RPS6KC1: variants seen among roughly 807,000 people sequenced by gnomAD.
RPS6KC1 encodes the protein ribosomal protein S6 kinase C1.
RPS6KC1 carries 54 observed loss-of-function variants against 103.8 expected under a neutral mutation model. The observed-to-expected ratio is 0.52, with a 90% confidence interval of 0.42 to 0.65. RPS6KC1 has a LOEUF of 0.65. Among genes scored for constraint, RPS6KC1 ranks in the 30% least tolerant of loss-of-function variants. The probability of loss-of-function intolerance (pLI) is 0.00; values close to 1 mark genes in which losing one functional copy is unlikely to be tolerated. For synonymous variants in RPS6KC1, 439 were observed against 438.7 expected (o/e 1.00, Z -0.01); for missense variants, 1,151 against 1,253.8 (o/e 0.92, Z 1.24).
chr1:213,730,656 T>G, the RPS6KC1 span, among the ~76,000 whole-genome samples: 2 of 152,258 alleles, frequency 1.3e-5, no homozygotes, highest in African/African-American at 4.8e-5. Flanking sequence ...AAGTTCCTTA[T>G]AGATGCTGAA....
rs148200631 is a variant in RPS6KC1, at chr1:213,057,003, G to A, written c.105+5494G>A. On this transcript the variant is annotated intron_variant, in intron 1 of 14. Transcript: ENST00000366960. ...CACCCAGGCTGGAGTGTAGTGGAAC[G>A]ATCACGGCTCACTCTAGCCTTGACT... Among the ~76,000 whole-genome samples the A allele has an allele frequency of 4.6e-5, 7 of 152,068 alleles. No homozygotes were observed. The East Asian group carries it at 1.4e-3, about 29-fold the overall frequency.
chr1:213,478,382 G>A, the RPS6KC1 span, among the ~76,000 whole-genome samples: 2 of 152,178 alleles, frequency 1.3e-5, no homozygotes, highest in Non-Finnish European at 2.9e-5. Flanking sequence ...ATCAAGGAGT[G>A]CACTTGCCAG....
At chr1:213,392,712 C>G in the RPS6KC1 span, among the ~76,000 whole-genome samples, 1 of 152,232 alleles carries the variant, frequency 6.6e-6, no homozygotes, top group African/African-American at 2.4e-5. Context: ...TATGTGAGTA[C>G]TGCACATGTG....
the RPS6KC1 span, among the ~76,000 whole-genome samples, chr1:213,736,142 G>C: frequency 3.9e-5 from 6 of 152,186 alleles, no homozygotes; most frequent in Admixed American, 2.0e-4. Flanking sequence ...TAAAGTTTTT[G>C]ATTCCTGGGT....
chr1:213,470,026 C>A, the RPS6KC1 span, among the ~76,000 whole-genome samples: 1 of 152,168 alleles, frequency 6.6e-6, no homozygotes, highest in African/African-American at 2.4e-5. Flanking sequence ...TGGGTGACAA[C>A]CTGTCTCTAA....
the RPS6KC1 span, among the ~76,000 whole-genome samples, chr1:213,676,723 TG>T: frequency 2.0e-5 from 3 of 152,202 alleles, no homozygotes; most frequent in South Asian, 6.2e-4. Flanking sequence ...GAACTAAAAA[TG>T]GGGGCATGCC....
chr1:213,335,635 C>T, the RPS6KC1 span, among the ~76,000 whole-genome samples: 22 of 152,200 alleles, frequency 1.4e-4, no homozygotes, highest in South Asian at 2.1e-4. Flanking sequence ...CTATCTGCAA[C>T]CCCATTGGCC....
chr1:213,692,088 A>G, the RPS6KC1 span, among the ~76,000 whole-genome samples: 3 of 152,334 alleles, frequency 2.0e-5, no homozygotes, highest in Admixed American at 2.0e-4. Context: ...AAATTTTGGA[A>G]CAGGAGTGAA....
the RPS6KC1 span, among the ~76,000 whole-genome samples, chr1:213,416,746 T>C: frequency 1.3e-5 from 2 of 152,110 alleles, no homozygotes; most frequent in African/African-American, 2.4e-5. Context: ...AGAAGGATGG[T>C]GCCAGAAACC....
the RPS6KC1 span, among the ~76,000 whole-genome samples, chr1:213,620,990 C>T: frequency 6.6e-6 from 1 of 152,194 alleles, no homozygotes; most frequent in South Asian, 2.1e-4. Flanking sequence ...TCTTAATACC[C>T]TGGTTTGAGC....
At chr1:213,251,102 C>CTTTTTTTT (rs1235280521) in intron 12 of RPS6KC1, among the ~76,000 whole-genome samples, 5 of 100,210 alleles carry the variant, frequency 5.0e-5, no homozygotes, top group Non-Finnish European at 3.9e-5. Context: ...GGTTTTTCAG[C>CTTTTTTTT]TTTTTTTTTT....
intron 8 of RPS6KC1, among the ~76,000 whole-genome samples, chr1:213,205,691 A>G (rs2093331370): frequency 6.6e-6 from 1 of 151,044 alleles, no homozygotes; most frequent in African/African-American, 2.4e-5. Context: ...AGATGCAACC[A>G]TATATTTTTG....
At chr1:213,767,128 C>T in the RPS6KC1 span, among the ~76,000 whole-genome samples, 4 of 152,116 alleles carry the variant, frequency 2.6e-5, 1 homozygote, top group Admixed American at 1.3e-4. Context: ...ATTTCTCTGC[C>T]GCCTTTAGCT....
intron 14 of RPS6KC1, among the ~76,000 whole-genome samples, chr1:213,266,117 A>G (rs1228955878): frequency 6.6e-6 from 1 of 152,238 alleles, no homozygotes; most frequent in Non-Finnish European, 1.5e-5. Flanking sequence ...AGTGACGAAC[A>G]TTCATGACAC....
At chr1:213,310,749 A>G in the RPS6KC1 span, among the ~76,000 whole-genome samples, 5 of 152,244 alleles carry the variant, frequency 3.3e-5, no homozygotes, top group Non-Finnish European at 5.9e-5. Flanking sequence ...AATAAATAGC[A>G]TGAATATGGA....
chr1:213,293,323 A>G, the RPS6KC1 span, among the ~76,000 whole-genome samples: 3 of 152,070 alleles, frequency 2.0e-5, no homozygotes, highest in Non-Finnish European at 2.9e-5. Flanking sequence ...TGTATATATA[A>G]CCTATAATAA....
intron 3 of RPS6KC1, among the ~76,000 whole-genome samples, chr1:213,102,359 A>T (rs1338168221): frequency 1.3e-5 from 2 of 152,102 alleles, no homozygotes; most frequent in African/African-American, 4.8e-5. Flanking sequence ...AGAAGCTGGG[A>T]TTATAGGTTT....
the RPS6KC1 span, among the ~76,000 whole-genome samples, chr1:213,791,798 G>C: frequency 1.3e-5 from 2 of 152,180 alleles, no homozygotes; most frequent in African/African-American, 4.8e-5. Flanking sequence ...AGAGTAGTTA[G>C]TTATTCTCAA....
chr1:213,589,685 C>A, the RPS6KC1 span, among the ~76,000 whole-genome samples: 1 of 151,398 alleles, frequency 6.6e-6, no homozygotes, highest in African/African-American at 2.4e-5. Flanking sequence ...GTGGCATAAT[C>A]ATGCCTGAAA....
Sources: gnomAD v4.1 joint callset for allele counts (sites outside exome capture counted in the v4.1 genomes callset) on GRCh38, gnomAD v4.1.1 for gene constraint, MANE v1.5 for transcripts, NCBI Gene and HGNC (gene_info 2026-07-23, HGNC 2026-07-21) for gene names.